Variants in CFAP299 observed in about 807,000 individuals in gnomAD.
The protein encoded by CFAP299 is cilia- and flagella-associated protein 299.
Under a neutral mutation model 27.0 loss-of-function variants are expected in CFAP299, and 21 were observed. The ratio of observed to expected loss-of-function variants is 0.78; its 90% CI spans 0.55 to 1.12. The LOEUF (loss-of-function observed/expected upper bound fraction) is 1.12, where lower values mean the gene tolerates loss of function less well. Ranked by LOEUF, CFAP299 falls within the 50% of genes most tolerant of loss-of-function variation. The pLI, the probability that CFAP299 is intolerant of heterozygous loss-of-function variation, is 0.00. For synonymous variants in CFAP299, 104 were observed against 98.1 expected, an observed-to-expected ratio of 1.06 and a Z score of -0.36; for missense variants, 310 against 276.6, an observed-to-expected ratio of 1.12 and a Z score of -0.86.
At chr4:80,546,209 C>T (rs1283065594) in intron 2 of CFAP299, among the ~76,000 whole-genome samples, 3 of 152,074 alleles carry the variant, frequency 2.0e-5, no homozygotes, top group Non-Finnish European at 4.4e-5. Flanking sequence ...CCTACTCTCA[C>T]CACTCCCATT....
chr4:80,440,321 G>T (rs561866587), intron 2 of CFAP299, among the ~76,000 whole-genome samples: 112 of 82,972 alleles, frequency 1.3e-3, no homozygotes, highest in African/African-American at 3.0e-3. Flanking sequence ...GGCATCTGGC[G>T]GGTGCCCCTC....
chr4:80,388,536 G>T, intron 2 of CFAP299: 1 of 1,452,980 alleles, frequency 6.9e-7, no homozygotes, highest in East Asian at 2.3e-5. Context: ...GAGTTGAATT[G>T]CTTCTTACAC....
intron 2 of CFAP299, among the ~76,000 whole-genome samples, chr4:80,364,828 G>A (rs1001333107): frequency 6.6e-6 from 1 of 152,304 alleles, no homozygotes; most frequent in African/African-American, 2.4e-5. Flanking sequence ...TCATCATTCA[G>A]CTCCCGCTTG....
chr4:80,370,124 G>A (rs1724059784), intron 2 of CFAP299, among the ~76,000 whole-genome samples: 1 of 152,220 alleles, frequency 6.6e-6, no homozygotes, highest in South Asian at 2.1e-4. Context: ...AGGGAAGCTG[G>A]CACTTTACAT....
intron 3 of CFAP299, among the ~76,000 whole-genome samples, chr4:80,586,478 A>G (rs1736447083): frequency 6.6e-6 from 1 of 151,574 alleles, no homozygotes; most frequent in African/African-American, 2.4e-5. Flanking sequence ...GTAAGATATT[A>G]TAGCTATCAG....
At chr4:80,846,847 A>C (rs1262668776) in intron 3 of CFAP299, among the ~76,000 whole-genome samples, 2 of 152,136 alleles carry the variant, frequency 1.3e-5, no homozygotes, top group African/African-American at 2.4e-5. Context: ...CAACCAGCAC[A>C]CTGCAAAGTG....
At chr4:80,931,304 T>G (rs916511132) in intron 4 of CFAP299, among the ~76,000 whole-genome samples, 23 of 152,038 alleles carry the variant, frequency 1.5e-4, no homozygotes, top group African/African-American at 5.6e-4. Flanking sequence ...AGAACTACTT[T>G]GAAGCCAGAA....
chr4:80,412,285 T>TG (rs397775235), intron 2 of CFAP299, among the ~76,000 whole-genome samples: 2 of 151,544 alleles, frequency 1.3e-5, no homozygotes, highest in African/African-American at 2.4e-5. Flanking sequence ...TTTTTTTTTT[T>TG]GCTTATTAAA....
intron 3 of CFAP299, among the ~76,000 whole-genome samples, chr4:80,794,581 G>T (rs567690579): frequency 6.6e-6 from 1 of 152,076 alleles, no homozygotes; most frequent in South Asian, 2.1e-4. Flanking sequence ...GGATGATGGG[G>T]AACATAGTAA....
At chr4:80,523,184 A>T (rs1355504451) in intron 2 of CFAP299, among the ~76,000 whole-genome samples, 1 of 152,102 alleles carries the variant, frequency 6.6e-6, no homozygotes, top group African/African-American at 2.4e-5. Flanking sequence ...AGTTTTCATT[A>T]TACAGATCAT....
intron 2 of CFAP299, among the ~76,000 whole-genome samples, chr4:80,519,454 G>C (rs1732794908): frequency 6.6e-6 from 1 of 152,096 alleles, no homozygotes; most frequent in Non-Finnish European, 1.5e-5. Flanking sequence ...TGATCCACCT[G>C]CCTCAGCCTC....
At chr4:80,338,001 A>G (rs1722239449) in intron 1 of CFAP299, among the ~76,000 whole-genome samples, 1 of 152,132 alleles carries the variant, frequency 6.6e-6, no homozygotes, top group African/African-American at 2.4e-5. Context: ...TCACACAGAA[A>G]CAAGTAGACT....
chr4:80,701,812 C>T (rs768512724), intron 3 of CFAP299, among the ~76,000 whole-genome samples: 2 of 151,968 alleles, frequency 1.3e-5, no homozygotes, highest in African/African-American at 2.4e-5. Context: ...CTACTTTTTA[C>T]AGGCAAATGA....
intron 3 of CFAP299, among the ~76,000 whole-genome samples, chr4:80,758,624 C>T (rs1725385584): frequency 6.6e-6 from 1 of 152,100 alleles, no homozygotes; most frequent in African/African-American, 2.4e-5. Context: ...CCTCATAGAC[C>T]TATGTTCCAT....
intron 2 of CFAP299, among the ~76,000 whole-genome samples, chr4:80,435,016 T>G (rs2110081533): frequency 6.6e-6 from 1 of 152,244 alleles, no homozygotes; most frequent in South Asian, 2.1e-4. Context: ...AGTATGCAAG[T>G]GGAGGTGGAA....
At chr4:80,534,021 T>C (rs996980931) in intron 2 of CFAP299, among the ~76,000 whole-genome samples, 1 of 152,104 alleles carries the variant, frequency 6.6e-6, no homozygotes, top group Non-Finnish European at 1.5e-5. Flanking sequence ...CTACTCTGAT[T>C]ATTAGAATAG....
intron 3 of CFAP299, among the ~76,000 whole-genome samples, chr4:80,698,611 A>G (rs1283400506): frequency 6.6e-6 from 1 of 152,232 alleles, no homozygotes. Flanking sequence ...AAGTATATTA[A>G]TCTATTCTTG....
chr4:80,616,461 C>A (rs1738286110), intron 3 of CFAP299, among the ~76,000 whole-genome samples: 1 of 151,670 alleles, frequency 6.6e-6, no homozygotes, highest in Admixed American at 6.6e-5. Flanking sequence ...ATAATACCCC[C>A]AAACTGAAAG....
At position 80,536,539 on chromosome 4, in the gene CFAP299, T is replaced by C. The variant is rs141374870; in HGVS notation, c.243-46554T>C. 8.9e-4 allele frequency among the ~76,000 whole-genome samples: 135 copies of C among 151,984 alleles called. 2 individuals carry two copies. The East Asian group carries it at 0.023, about 26-fold the overall frequency. ...AGATATAAAAATCAATGGAAGAAAA[T>C]GGAGAGGCCAGAAATAAATCCCCAC... On this transcript the variant is annotated intron_variant, in intron 2 of 5. Transcript: ENST00000358105.
Sources: gnomAD v4.1 joint callset for allele counts (sites outside exome capture counted in the v4.1 genomes callset) on GRCh38, gnomAD v4.1.1 for gene constraint, MANE v1.5 for transcripts, NCBI Gene and HGNC (gene_info 2026-07-23, HGNC 2026-07-21) for gene names.